Variants in DNAH12 observed in about 807,000 individuals in gnomAD.
DNAH12 encodes dynein axonemal heavy chain 12, also known as axonemal beta dynein heavy chain 12.
DNAH12 carries 285 observed loss-of-function variants against 371.5 expected under a neutral mutation model. The observed-to-expected ratio is 0.77, with a 90% CI of 0.70 to 0.85. The LOEUF (loss-of-function observed/expected upper bound fraction) is 0.85, where lower values mean the gene tolerates loss of function less well. DNAH12 is among the 40% of genes least tolerant of loss of function. The probability of loss-of-function intolerance (pLI) is 0.00; values close to 1 mark genes in which losing one functional copy is unlikely to be tolerated. For missense variants in DNAH12, 3,611 were observed against 3,689.4 expected (o/e 0.98, Z 0.55); for synonymous variants, 1,200 against 1,213.0 (o/e 0.99, Z 0.22).
At position 57,334,554 on chromosome 3, in the gene DNAH12, G is replaced by T; in HGVS notation, c.9889C>A (p.Pro3297Thr). The change falls in exon 62 of 74, where the codon CCA (proline) becomes ACA (threonine). Residue 3297 changes from proline (P) to threonine (T), a missense_variant. Around this residue, in one of 3 missense-constraint regions of DNAH12, gnomAD observed 2,266 missense variants for 2,236.9 expected, o/e 1.01. Coordinates refer to ENST00000495027, the MANE Select transcript of DNAH12 (RefSeq NM_001366028.2). ...EWREIYDSKEPHNAKFPAPMD... is the reference protein window; with the variant it reads ...EWREIYDSKETHNAKFPAPMD... ...GGTGCTGGAAATTTAGCATTATGTG[G>T]CTCTTTACTGTCATAGATTTCTCGC... 3.2e-6 allele frequency: 5 copies of T among 1,550,586 alleles called. No individual in the cohort carries two copies. The highest frequency in any genetic ancestry group is 4.4e-6 in the Non-Finnish European group (5 of 1,146,808).
At chr3:57,532,455 C>G (rs1240483578) in intron 2 of DNAH12, among the ~76,000 whole-genome samples, 5 of 152,010 alleles carry the variant, frequency 3.3e-5, no homozygotes, top group African/African-American at 4.8e-5. Flanking sequence ...TCTTCGCAGT[C>G]TGGGCTTGTT....
At chr3:57,359,044 A>G (rs1347197782) in intron 58 of DNAH12, among the ~76,000 whole-genome samples, 1 of 152,088 alleles carries the variant, frequency 6.6e-6, no homozygotes, top group Non-Finnish European at 1.5e-5. Context: ...TTGGCCTCCC[A>G]AAGTGCTGGG....
At chr3:57,413,958 G>A (rs1380174248) in intron 38 of DNAH12, 46 bp from the exon 39 acceptor site, 5 of 1,514,322 alleles carry the variant, frequency 3.3e-6, no homozygotes, top group African/African-American at 2.8e-5. Context: ...AATTGAATTA[G>A]GGATTTATCA....
At position 57,309,251 on chromosome 3, in the gene DNAH12, G is replaced by A; in HGVS notation, c.11089C>T (p.Pro3697Ser). 14 of 1,537,620 alleles carry A rather than the reference G, an allele frequency of 9.1e-6. No individual in the cohort carries two copies. The highest frequency in any genetic ancestry group is 1.2e-5 in the Non-Finnish European group (14 of 1,143,328). Residue 3697 changes from proline to serine, a missense_variant, in exon 69 of 74, where the codon CCT becomes TCT. By Grantham distance (74) the Pro-to-Ser change is moderately conservative (BLOSUM62 -1). Transcript: ENST00000495027. ...GCCATTTCAATGTCGAAATCACTAGGGAGCTAAAAGAATAGATTTTGAAGA... is the reference window on the plus strand; with the variant it reads ...GCCATTTCAATGTCGAAATCACTAGAGAGCTAAAAGAATAGATTTTGAAGA... ...EITKDILNKL[P>S]SDFDIEMALR...
At chr3:57,392,417 C>A (rs1423309211) in intron 44 of DNAH12, among the ~76,000 whole-genome samples, 1 of 152,072 alleles carries the variant, frequency 6.6e-6, no homozygotes, top group Admixed American at 6.6e-5. Context: ...AAAATATCCA[C>A]ATATTAGCAT....
chr3:57,446,132 C>T lies in DNAH12; in HGVS notation c.4078G>A (p.Val1360Ile). The change falls in exon 27 of 74, where the codon GTT becomes ATT. Residue 1360 changes from valine (V) to isoleucine (I), a missense_variant. Val to Ile is a conservative substitution (Grantham distance 29, BLOSUM62 3). Around this residue, in one of 3 missense-constraint regions of DNAH12, gnomAD observed 2,266 missense variants for 2,236.9 expected, o/e 1.01. Transcript: ENST00000495027. ...RAIQQKLVVF[V>I]FEGTELKLNP... ...AGCTTAAGTTCTGTCCCTTCAAAAA[C>T]AAACACAACCAACTTCTGTTGAATA... 1 of 1,551,706 alleles carries T rather than the reference C, an allele frequency of 6.4e-7. No individual in the cohort carries two copies. Among genetic ancestry groups the T allele is most frequent in the Non-Finnish European group, 8.7e-7 (1 of 1,147,004 alleles).
intron 11 of DNAH12, among the ~76,000 whole-genome samples, chr3:57,500,690 G>A (rs2067510323): frequency 6.6e-6 from 1 of 151,992 alleles, no homozygotes; most frequent in Non-Finnish European, 1.5e-5. Flanking sequence ...CTCTATTCTA[G>A]TACTTATCTC....
chr3:57,342,367 G>T (rs1330844777), intron 60 of DNAH12, among the ~76,000 whole-genome samples: 1 of 151,542 alleles, frequency 6.6e-6, no homozygotes, highest in South Asian at 2.1e-4. Context: ...CTGGCCAGAC[G>T]TGGTGGCTTA....
chr3:57,363,407 A>G (rs1267889745), intron 58 of DNAH12, among the ~76,000 whole-genome samples, 187 bp downstream of exon 58: 2 of 152,212 alleles, frequency 1.3e-5, no homozygotes, highest in African/African-American at 4.8e-5. Context: ...CCAGGTTTTA[A>G]ATAATTTAAC....
At position 57,372,829 on chromosome 3, in the gene DNAH12, G is replaced by T. The variant is rs998727722; in HGVS notation, c.8759+2542C>A. Among the ~76,000 whole-genome samples the T allele has an allele frequency of 2.3e-3, 356 of 152,158 alleles. 1 individual carries two copies. Among genetic ancestry groups the T allele is most frequent in the Admixed American group, 3.5e-3 (54 of 15,282 alleles). On this transcript the variant is annotated intron_variant, in intron 55 of 73. Coordinates refer to ENST00000495027, the MANE Select transcript of DNAH12 (RefSeq NM_001366028.2). ...AAAGGAGACAAATAGAAAAGAACAA[G>T]ATGGTAGATTTAAATCTAAGTGTAT...
Position 57,468,902 on chromosome 3 carries a change from A to T in DNAH12, c.2183T>A (p.Phe728Tyr). The T allele has an allele frequency of 2.0e-6, 3 of 1,527,394 alleles. No individual in the cohort carries two copies. Among genetic ancestry groups the T allele is most frequent in the Non-Finnish European group, 2.6e-6 (3 of 1,141,094 alleles). 94.6% of individuals were successfully genotyped at this position (1,527,394 alleles called of 1,614,324 possible). The change falls in exon 17 of 74, where the codon TTT (phenylalanine) becomes TAT (tyrosine). Residue 728 changes from phenylalanine to tyrosine, a missense_variant. Physicochemically the swap from Phe to Tyr is conservative, Grantham distance 22 (BLOSUM62 3). This residue lies in a region of DNAH12 where 1,314 missense variants were observed against 1,398.7 expected (regional missense o/e 0.94). Transcript: ENST00000495027. ...ADVEEFSREI[F>Y]KTLKFFQTKL... ...CGTTTGGAAAAATTTTAGTGTCTTA[A>T]AAATTTCTCGGGAAAACTCTTCCAC...
intron 2 of DNAH12, among the ~76,000 whole-genome samples, chr3:57,539,917 CA>C (rs2069202765): frequency 6.6e-6 from 1 of 151,378 alleles, no homozygotes. Context: ...TGCCCGGCCC[CA>C]CTGTCTTATT....
At chr3:57,378,463 G>C (rs942081896) in intron 52 of DNAH12, among the ~76,000 whole-genome samples, 2 of 152,042 alleles carry the variant, frequency 1.3e-5, no homozygotes, top group Non-Finnish European at 2.9e-5. Context: ...ATATCATTTA[G>C]GAAGACCTTC....
At chr3:57,326,994 C>T (rs1201851715) in intron 62 of DNAH12, among the ~76,000 whole-genome samples, 1 of 152,114 alleles carries the variant, frequency 6.6e-6, no homozygotes, top group East Asian at 1.9e-4. Flanking sequence ...GGGATCAATT[C>T]AACAAGAAGA....
intron 57 of DNAH12, among the ~76,000 whole-genome samples, chr3:57,365,539 G>A (rs935419508): frequency 3.9e-5 from 6 of 151,928 alleles, no homozygotes; most frequent in South Asian, 2.1e-4. Context: ...GTTGATAAGC[G>A]CAGCAAATCA....
At chr3:57,355,831 C>G (rs1017808514) in intron 59 of DNAH12, among the ~76,000 whole-genome samples, 4 of 152,156 alleles carry the variant, frequency 2.6e-5, no homozygotes, top group Non-Finnish European at 5.9e-5. Context: ...AGAAACTTCT[C>G]ACAGCATACA....
intron 13 of DNAH12, among the ~76,000 whole-genome samples, chr3:57,482,410 A>AG (rs2066776040): frequency 6.6e-6 from 1 of 151,716 alleles, no homozygotes; most frequent in Non-Finnish European, 1.5e-5. Flanking sequence ...ATCATTAAAA[A>AG]GTCAGGAAAC....
chr3:57,519,735 C>G (rs1036167871), intron 4 of DNAH12: 31 of 1,611,062 alleles, frequency 1.9e-5, no homozygotes, highest in Non-Finnish European at 2.5e-5. Context: ...TCTGTTTCAC[C>G]CACAGGGACA....
intron 58 of DNAH12, among the ~76,000 whole-genome samples, chr3:57,358,882 T>C (rs1276529594): frequency 6.6e-6 from 1 of 152,118 alleles, no homozygotes; most frequent in African/African-American, 2.4e-5. Flanking sequence ...CCTCCTGGGT[T>C]CAAGCGATTC....
Sources: gnomAD v4.1 joint callset for allele counts (sites outside exome capture counted in the v4.1 genomes callset) on GRCh38, gnomAD v4.1.1 for gene constraint, gnomAD v4.1.1 regional missense constraint, MANE v1.5 for transcripts, NCBI Gene and HGNC (gene_info 2026-07-23, HGNC 2026-07-21) for gene names.